Variants in TSPEAR observed in about 807,000 individuals in gnomAD.
TSPEAR encodes thrombospondin type laminin G domain and EAR repeats.
In TSPEAR, 69 loss-of-function variants were observed where a neutral mutation model predicts 71.6. The observed-to-expected ratio is 0.96, with a 90% CI of 0.79 to 1.18. The LOEUF (loss-of-function observed/expected upper bound fraction) is 1.18. Among genes scored for constraint, TSPEAR ranks in the 50% most tolerant of loss-of-function variants. The pLI, the probability that TSPEAR is intolerant of heterozygous loss-of-function variation, is 0.00. For missense variants in TSPEAR, 971 were observed against 894.9 expected (o/e 1.09, Z -1.09); for synonymous variants, 402 against 387.2 (o/e 1.04, Z -0.45).
At chr21:44,516,455 C>G (rs587622800) in intron 9 of TSPEAR, 4 of 152,566 alleles carry the variant, frequency 2.6e-5, no homozygotes, top group Non-Finnish European at 4.4e-5. Context: ...GCCTCTTCAC[C>G]CACGGTGTAG....
At chr21:44,604,682 G>A (rs1402947914) in intron 1 of TSPEAR, among the ~76,000 whole-genome samples, 1 of 152,242 alleles carries the variant, frequency 6.6e-6, no homozygotes, top group Non-Finnish European at 1.5e-5. Context: ...TAGAGAAAGA[G>A]CTTTCAGCTT....
At chr21:44,707,152 G>A (rs1555952537) in intron 1 of TSPEAR, among the ~76,000 whole-genome samples, 1 of 152,350 alleles carries the variant, frequency 6.6e-6, no homozygotes, top group East Asian at 1.9e-4. Flanking sequence ...ATCAGGGCGC[G>A]AAGCCCACTG....
In TSPEAR at chr21:44,689,712, A is replaced by AATGAAT. The variant is rs781858508; in HGVS notation, c.82+21720_82+21721insATTCAT. Among the ~76,000 whole-genome samples the AATGAAT allele has an allele frequency of 1.7e-3, 103 of 62,028 alleles. 2 individuals carry two copies. The highest frequency in any genetic ancestry group is 7.8e-3 in the Middle Eastern group (1 of 128). The allele number at this position is 62,028 out of a possible 152,430, so 40.7% of individuals were successfully genotyped here. A position where few individuals can be genotyped will look rare whatever the true frequency, so the allele number is the denominator to read the frequency against. On this transcript the variant is annotated intron_variant, in intron 1 of 11. Transcript: ENST00000323084. ...TCCCTTAGAGGGACAGAATAGAATGAATATATATATATATATATATATATA... is the reference window on the plus strand; with the variant it reads ...TCCCTTAGAGGGACAGAATAGAATGAATGAATATATATATATATATATATATATATA...
rs587606426 is a variant in TSPEAR, at chr21:44,513,636, GCCC to G, written c.1567-4253_1567-4251del. Among the ~76,000 whole-genome samples the G allele has an allele frequency of 1.6e-4, 25 of 152,320 alleles. No homozygotes were observed. The South Asian group carries it at 5.0e-3, about 30-fold the overall frequency. On this transcript the variant is annotated intron_variant, in intron 9 of 11. Transcript: ENST00000323084. ...GACTTGGCAGCCAGGAGCACCTGGA[GCCC>G]CCAACAGCTCCCTCGAGGGCGGGTG...
intron 2 of TSPEAR, among the ~76,000 whole-genome samples, chr21:44,566,730 T>C (rs897267254): frequency 1.3e-5 from 2 of 152,176 alleles, no homozygotes; most frequent in Non-Finnish European, 2.9e-5. Flanking sequence ...GTCAATTTAT[T>C]TCTCACAAGG....
intron 1 of TSPEAR, chr21:44,646,548 C>T: frequency 6.2e-7 from 1 of 1,612,614 alleles, no homozygotes; most frequent in East Asian, 2.2e-5. Flanking sequence ...GTGAGCCCCC[C>T]TGCAGCGCCC....
At chr21:44,620,965 C>A (rs1265949626) in intron 1 of TSPEAR, among the ~76,000 whole-genome samples, 1 of 152,260 alleles carries the variant, frequency 6.6e-6, no homozygotes, top group Non-Finnish European at 1.5e-5. Context: ...TTTGTGAATT[C>A]CAGCTTTTCT....
chr21:44,532,309 C>T (rs893316026), intron 3 of TSPEAR, among the ~76,000 whole-genome samples: 2 of 152,254 alleles, frequency 1.3e-5, no homozygotes, highest in African/African-American at 4.8e-5. Flanking sequence ...AGGCCTCAGG[C>T]GCTGCCGCCA....
chr21:44,688,099 T>C (rs1038814523), intron 1 of TSPEAR, among the ~76,000 whole-genome samples: 4 of 152,152 alleles, frequency 2.6e-5, no homozygotes, highest in Non-Finnish European at 4.4e-5. Context: ...TTTTAAAAAG[T>C]AGTTCAGAAG....
intron 2 of TSPEAR, among the ~76,000 whole-genome samples, chr21:44,536,182 C>T (rs1353484790): frequency 1.3e-5 from 2 of 152,234 alleles, no homozygotes; most frequent in Non-Finnish European, 2.9e-5. Flanking sequence ...GCTGTTCACA[C>T]TCTGGCCCCC....
At chr21:44,583,739 T>C (rs459667) in intron 1 of TSPEAR, among the ~76,000 whole-genome samples, 143,508 of 152,262 alleles carry the variant, frequency 0.94, 67,796 homozygotes, top group Non-Finnish European at 0.97. Context: ...TTTATTGAGA[T>C]GTAATTGACA....
intron 2 of TSPEAR, chr21:44,539,580 G>A: frequency 1.2e-6 from 2 of 1,613,614 alleles, no homozygotes; most frequent in Non-Finnish European, 1.7e-6. Context: ...CAGCAGACAG[G>A]CTTGCAACGG....
At chr21:44,663,499 C>T in intron 1 of TSPEAR, among the ~76,000 whole-genome samples, 1 of 151,988 alleles carries the variant, frequency 6.6e-6, no homozygotes, top group Non-Finnish European at 1.5e-5. Flanking sequence ...GGCAAATGGC[C>T]TCCCTGGAAA....
At chr21:44,582,602 G>T (rs1254300862) in intron 1 of TSPEAR, among the ~76,000 whole-genome samples, 1 of 152,076 alleles carries the variant, frequency 6.6e-6, no homozygotes, top group Non-Finnish European at 1.5e-5. Flanking sequence ...CTGGTGTCTG[G>T]ACCACCCATC....
At chr21:44,542,840 C>T (rs1555917350) in intron 2 of TSPEAR, among the ~76,000 whole-genome samples, 1 of 150,794 alleles carries the variant, frequency 6.6e-6, no homozygotes, top group East Asian at 1.9e-4. Context: ...AAGAAAACTA[C>T]ACCTGGGCAC....
intron 9 of TSPEAR, chr21:44,517,273 T>C (rs2052603975): frequency 6.4e-6 from 1 of 156,360 alleles, no homozygotes; most frequent in Non-Finnish European, 1.4e-5. Flanking sequence ...GATCTTCTCA[T>C]TCTGGTTGAG....
At chr21:44,680,910 A>T (rs1986552645) in intron 1 of TSPEAR, among the ~76,000 whole-genome samples, 1 of 150,862 alleles carries the variant, frequency 6.6e-6, no homozygotes, top group Non-Finnish European at 1.5e-5. Flanking sequence ...ACAAACATAC[A>T]GTTACACAGA....
At chr21:44,580,165 G>A (rs370004433) in intron 1 of TSPEAR, 19 of 1,610,912 alleles carry the variant, frequency 1.2e-5, no homozygotes, top group South Asian at 5.5e-5. Context: ...CACAGCACAC[G>A]GGCTTGCAGC....
chr21:44,618,035 C>G (rs1263678210), intron 1 of TSPEAR, among the ~76,000 whole-genome samples: 6 of 152,220 alleles, frequency 3.9e-5, no homozygotes, highest in Non-Finnish European at 7.3e-5. Flanking sequence ...CTGTAAGGGC[C>G]TGTCCCTCCA....
Sources: allele counts gnomAD v4.1 joint callset (sites outside exome capture counted in the v4.1 genomes callset), GRCh38; gene constraint gnomAD v4.1.1; transcripts MANE v1.5; gene names NCBI Gene and HGNC (gene_info 2026-07-23, HGNC 2026-07-21).